Variants in ARL6IP6 observed in about 807,000 individuals in gnomAD.
ARL6IP6 encodes the protein ARF like GTPase 6 interacting protein 6, also known as ADP-ribosylation factor-like protein 6-interacting protein 6.
A neutral mutation model predicts 21.5 loss-of-function variants in ARL6IP6; 22 were observed. That is an observed-to-expected ratio of 1.02 (90% CI 0.73 to 1.46). ARL6IP6 has a LOEUF of 1.46. Among genes scored for constraint, ARL6IP6 ranks in the 40% most tolerant of loss-of-function variants. The pLI is 0.00. For synonymous variants in ARL6IP6, 164 were observed against 125.3 expected (o/e 1.31, Z -2.06); for missense variants, 388 against 299.8 (o/e 1.29, Z -2.17).
intron 2 of ARL6IP6, among the ~76,000 whole-genome samples, chr2:152,724,309 A>G (rs1441337779): frequency 2.0e-5 from 3 of 152,226 alleles, no homozygotes; most frequent in Non-Finnish European, 4.4e-5. Flanking sequence ...AGTAATTAAC[A>G]ATAACACCAT....
intron 3 of ARL6IP6, among the ~76,000 whole-genome samples, chr2:152,752,447 G>A (rs977475749): frequency 6.6e-6 from 1 of 152,172 alleles, no homozygotes; most frequent in Admixed American, 6.5e-5. Context: ...AGTTGTCCAG[G>A]TCGTTGGCAT....
chr2:152,718,481 G>A, upstream of ARL6IP6: 1 of 1,216,538 alleles, frequency 8.2e-7, no homozygotes, highest in Non-Finnish European at 1.1e-6. Flanking sequence ...TTTGCAACCC[G>A]CCGCCCACCC....
chr2:152,735,535 T>C (rs1211125450), intron 3 of ARL6IP6, among the ~76,000 whole-genome samples: 1 of 152,206 alleles, frequency 6.6e-6, no homozygotes, highest in Non-Finnish European at 1.5e-5. Flanking sequence ...GATTTTAACT[T>C]TGTGTAATAA....
chr2:152,745,375 A>G (rs1010391397), intron 3 of ARL6IP6, among the ~76,000 whole-genome samples: 3 of 152,216 alleles, frequency 2.0e-5, no homozygotes, highest in African/African-American at 4.8e-5. Flanking sequence ...CTATCCTCAT[A>G]ACTAAATACA....
intron 2 of ARL6IP6, among the ~76,000 whole-genome samples, chr2:152,731,082 C>T (rs1456857631): frequency 6.6e-6 from 1 of 152,204 alleles, no homozygotes; most frequent in Non-Finnish European, 1.5e-5. Flanking sequence ...GCATTCAAGA[C>T]ATATTGTGTT....
chr2:152,742,234 C>T (rs188849972), intron 3 of ARL6IP6, among the ~76,000 whole-genome samples: 2 of 152,106 alleles, frequency 1.3e-5, no homozygotes, highest in Admixed American at 1.3e-4. Flanking sequence ...GTTACCTACC[C>T]GTGGAAAAAT....
rs529598247 is a variant in ARL6IP6 at position 152,726,934 on chromosome 2, G to A, written c.454+6348G>A. Among the ~76,000 whole-genome samples the A allele has an allele frequency of 1.5e-4, 23 of 152,070 alleles. No individual in the cohort carries two copies. In the South Asian group the frequency reaches 2.9e-3, roughly 19 times the overall value. On this transcript the variant is annotated intron_variant, in intron 2 of 3. Coordinates refer to ENST00000326446, the MANE Select transcript of ARL6IP6 (RefSeq NM_152522.7). ...ATAAAAAAAAATACAGCACAATTAC[G>A]TGCAGTACATAACATAATTCTTGAT...
chr2:152,728,851 G>T (rs913835886), intron 2 of ARL6IP6, among the ~76,000 whole-genome samples: 1 of 152,116 alleles, frequency 6.6e-6, no homozygotes, highest in African/African-American at 2.4e-5. Flanking sequence ...ATGAGGTCAA[G>T]AGATCAAGAC....
intron 3 of ARL6IP6, among the ~76,000 whole-genome samples, chr2:152,753,619 TAAAA>T (rs566894411): frequency 6.9e-6 from 1 of 144,574 alleles, no homozygotes; most frequent in African/African-American, 2.5e-5. Context: ...AGGTGTTTAT[TAAAA>T]AAAAAAAGAA....
intron 1 of ARL6IP6, chr2:152,720,159 T>C (rs773985701): frequency 6.1e-6 from 2 of 328,854 alleles, no homozygotes; most frequent in Non-Finnish European, 1.2e-5. Context: ...TCGGAGACAT[T>C]GCCTTTGTAT....
chr2:152,749,314 A>ACACACACACAC (rs1701206001), intron 3 of ARL6IP6, among the ~76,000 whole-genome samples: 6 of 150,120 alleles, frequency 4.0e-5, no homozygotes, highest in African/African-American at 1.5e-4. Flanking sequence ...CACACACAAA[A>ACACACACACAC]ACACACACAC....
At chr2:152,728,441 T>A (rs1301844568) in intron 2 of ARL6IP6, among the ~76,000 whole-genome samples, 1 of 152,224 alleles carries the variant, frequency 6.6e-6, no homozygotes, top group Non-Finnish European at 1.5e-5. Flanking sequence ...TGCCTCTGTG[T>A]CTGACTTCAT....
At chr2:152,755,380 C>T (rs75599736) in intron 3 of ARL6IP6, among the ~76,000 whole-genome samples, 60 of 152,190 alleles carry the variant, frequency 3.9e-4, no homozygotes, top group African/African-American at 1.3e-3. Flanking sequence ...CCGTCAGGCC[C>T]GCCTGCAGTT....
chr2:152,718,575 G>A, upstream of ARL6IP6: 1 of 1,492,730 alleles, frequency 6.7e-7, no homozygotes, highest in Non-Finnish European at 8.9e-7. Flanking sequence ...ACCCGGGGCG[G>A]GGCAGGTGGG....
rs200104264 is a variant in ARL6IP6, at chr2:152,718,763, G to A, written c.139G>A (p.Gly47Arg). Residue 47 changes from glycine to arginine, a missense_variant, in exon 1 of 4, where the codon GGA becomes AGA. Physicochemically the swap from Gly to Arg is moderately radical, Grantham distance 125. Coordinates refer to ENST00000326446, the MANE Select transcript of ARL6IP6 (RefSeq NM_152522.7). ...WGEGEVDEEE[G>R]CDQVARDLRA... ...TGAAGGCGAAGTCGACGAGGAGGAG[G>A]GATGCGACCAAGTGGCCCGCGACCT... 8.0e-5 allele frequency: 129 copies of A among 1,609,820 alleles called. No homozygotes were observed. The highest frequency in any genetic ancestry group is 1.0e-4 in the Non-Finnish European group (123 of 1,178,086).
chr2:152,720,738 T>C (rs1285837598), intron 2 of ARL6IP6, 152 bp downstream of exon 2: 3 of 729,252 alleles, frequency 4.1e-6, no homozygotes, highest in Non-Finnish European at 6.8e-6. Context: ...TGATAAATGT[T>C]ATTAGATTTC....
intron 2 of ARL6IP6, among the ~76,000 whole-genome samples, chr2:152,731,531 G>A (rs1264061683): frequency 2.0e-5 from 3 of 152,126 alleles, no homozygotes; most frequent in African/African-American, 4.8e-5. Flanking sequence ...TTTTAAAGAC[G>A]CAGTTTAAAA....
intron 3 of ARL6IP6, among the ~76,000 whole-genome samples, chr2:152,749,669 A>G (rs1165262400): frequency 2.0e-5 from 3 of 152,326 alleles, no homozygotes; most frequent in African/African-American, 4.8e-5. Flanking sequence ...AGGTCAAACA[A>G]TGTTGCCATC....
At chr2:152,756,941 C>G (rs1701620422) in intron 3 of ARL6IP6, among the ~76,000 whole-genome samples, 1 of 152,068 alleles carries the variant, frequency 6.6e-6, no homozygotes, top group South Asian at 2.1e-4. Context: ...AGTGCAGATT[C>G]CCACCACCCA....
Sources: gnomAD v4.1 joint callset for allele counts (sites outside exome capture counted in the v4.1 genomes callset) on GRCh38, gnomAD v4.1.1 for gene constraint, MANE v1.5 for transcripts, NCBI Gene and HGNC (gene_info 2026-07-23, HGNC 2026-07-21) for gene names.